Variants in ABLIM3 observed in about 807,000 individuals in gnomAD.
ABLIM3 encodes the protein actin binding LIM protein family member 3.
ABLIM3 carries 61 observed loss-of-function variants against 109.5 expected under a neutral mutation model. The observed-to-expected ratio is 0.56, with a 90% CI of 0.45 to 0.69. The LOEUF (loss-of-function observed/expected upper bound fraction) is 0.69. Ranked by LOEUF, ABLIM3 falls within the 30% of genes least tolerant of loss-of-function variation. ABLIM3 has a pLI of 0.00. For synonymous variants in ABLIM3, 300 were observed against 324.8 expected, an observed-to-expected ratio of 0.92 and a Z score of 0.82; for missense variants, 796 against 889.5, an observed-to-expected ratio of 0.89 and a Z score of 1.34.
chr5:149,251,777 T>A (rs960741541), intron 21 of ABLIM3, among the ~76,000 whole-genome samples: 1 of 152,320 alleles, frequency 6.6e-6, no homozygotes, highest in East Asian at 1.9e-4. Flanking sequence ...AAGAATTCCA[T>A]GAGCTTCCTG....
Position 149,259,818 on chromosome 5 carries a change from C to G in ABLIM3, c.*1414C>G. 3 of 571,200 alleles carry G rather than the reference C, an allele frequency of 5.3e-6. No individual in the cohort carries two copies. The South Asian group carries it at 6.4e-5, about 12-fold the overall frequency. The allele number at this position is 571,200 out of a possible 1,614,324, so 35.4% of individuals were successfully genotyped here. ...AAGTGAAAATGACAATAATGACTCT[C>G]AAGAGGCTGGCGATGTGACATGGCA... On this transcript the variant is annotated 3_prime_UTR_variant, in exon 24 of 24. Transcript: ENST00000309868.
intron 2 of ABLIM3, among the ~76,000 whole-genome samples, chr5:149,171,795 C>T (rs753613502): frequency 9.2e-5 from 14 of 152,206 alleles, no homozygotes; most frequent in Non-Finnish European, 1.8e-4. Context: ...TGGCCCCAAT[C>T]CATGCCTTCC....
intron 3 of ABLIM3, among the ~76,000 whole-genome samples, chr5:149,184,787 G>A (rs1285600427): frequency 6.6e-6 from 1 of 152,188 alleles, no homozygotes; most frequent in Non-Finnish European, 1.5e-5. Flanking sequence ...TCATGCACCT[G>A]AGAGTGACTT....
chr5:149,154,085 T>C (rs772151490), intron 2 of ABLIM3, among the ~76,000 whole-genome samples: 5 of 152,224 alleles, frequency 3.3e-5, no homozygotes, highest in African/African-American at 1.2e-4. Context: ...TTTGCAATAG[T>C]CTAATGACAC....
At chr5:149,144,577 C>T (rs1246297005) in intron 2 of ABLIM3, among the ~76,000 whole-genome samples, 3 of 152,132 alleles carry the variant, frequency 2.0e-5, no homozygotes, top group Non-Finnish European at 4.4e-5. Flanking sequence ...CCTTATTCTC[C>T]ACCAGCCACC....
intron 2 of ABLIM3, among the ~76,000 whole-genome samples, chr5:149,146,152 G>A (rs769520144): frequency 4.6e-4 from 70 of 151,978 alleles, no homozygotes; most frequent in Non-Finnish European, 8.8e-4. Flanking sequence ...TTTTGGGGGC[G>A]TGGGGTTTGT....
intron 6 of ABLIM3, among the ~76,000 whole-genome samples, chr5:149,210,300 G>C (rs1220995498): frequency 6.6e-6 from 1 of 152,186 alleles, no homozygotes; most frequent in Non-Finnish European, 1.5e-5. Context: ...CCTGGGACAA[G>C]TTACTAAAGT....
chr5:149,246,409 T>A (rs77462377), intron 16 of ABLIM3, 73 bp from the exon 17 acceptor site: 131,266 of 1,374,206 alleles, frequency 0.096, 5,864 homozygotes, highest in Admixed American at 0.29. Context: ...TTTTCTTTTT[T>A]AAAAAAAAAA....
At chr5:149,176,146 G>T (rs1755907600) in intron 2 of ABLIM3, among the ~76,000 whole-genome samples, 1 of 152,086 alleles carries the variant, frequency 6.6e-6, no homozygotes, top group African/African-American at 2.4e-5. Context: ...TGCAGCACTT[G>T]CATCTCTCTG....
chr5:149,249,794 T>G lies in ABLIM3; in HGVS notation c.1700-21T>G. ...TTGTCTTTCCTCATGAGCAATGACC[T>G]TCAGCTTTTCTCTCCTGCAGCCCCT... On this transcript the variant is annotated intron_variant, in intron 18 of 23. Coordinates refer to ENST00000309868, the MANE Select transcript of ABLIM3 (RefSeq NM_014945.5). 1.2e-6 allele frequency: 2 copies of G among 1,614,080 alleles called. 1 individual carries two copies. Among genetic ancestry groups the G allele is most frequent in the South Asian group, 2.2e-5 (2 of 91,082 alleles).
intron 3 of ABLIM3, among the ~76,000 whole-genome samples, chr5:149,190,914 T>G (rs377286252): frequency 6.6e-6 from 1 of 152,136 alleles, no homozygotes; most frequent in East Asian, 1.9e-4. Flanking sequence ...ACAAAAATGC[T>G]ATGTATCAAA....
At chr5:149,141,923 A>G (rs1580960892) in intron 1 of ABLIM3, 86 bp from the exon 2 acceptor site, 4 of 950,080 alleles carry the variant, frequency 4.2e-6, no homozygotes, top group East Asian at 4.8e-5. Context: ...GCCAGGGGCT[A>G]CAGCCCAGAC....
At chr5:149,151,017 A>G (rs1319780014) in intron 2 of ABLIM3, among the ~76,000 whole-genome samples, 1 of 152,248 alleles carries the variant, frequency 6.6e-6, no homozygotes, top group Non-Finnish European at 1.5e-5. Context: ...TAAATAGTAT[A>G]TATTAGTTTG....
intron 14 of ABLIM3, among the ~76,000 whole-genome samples, chr5:149,241,942 A>G (rs528864228): frequency 4.7e-4 from 72 of 152,320 alleles, no homozygotes; most frequent in African/African-American, 1.7e-3. Flanking sequence ...CAGCAGAGCC[A>G]GGGCTGAACC....
intron 7 of ABLIM3, among the ~76,000 whole-genome samples, chr5:149,211,146 A>T (rs1001469752): frequency 2.6e-5 from 4 of 151,404 alleles, no homozygotes; most frequent in East Asian, 1.9e-4. Context: ...AGTCTTTTTT[A>T]TTTATTTATT....
chr5:149,232,722 G>A (rs1761977085), intron 9 of ABLIM3, among the ~76,000 whole-genome samples: 2 of 152,138 alleles, frequency 1.3e-5, no homozygotes, highest in Non-Finnish European at 2.9e-5. Flanking sequence ...CTCTGCTAAG[G>A]AAGCTATTAA....
chr5:149,193,353 C>G (rs556730735), intron 3 of ABLIM3, among the ~76,000 whole-genome samples: 15 of 151,730 alleles, frequency 9.9e-5, no homozygotes, highest in African/African-American at 3.6e-4. Flanking sequence ...AATCAAGACG[C>G]CATTTACCTG....
At chr5:149,176,259 A>G (rs775069528) in intron 2 of ABLIM3, among the ~76,000 whole-genome samples, 2 of 151,978 alleles carry the variant, frequency 1.3e-5, no homozygotes, top group African/African-American at 4.8e-5. Context: ...CTTCTTCATC[A>G]CCTGCCAGGG....
intron 2 of ABLIM3, among the ~76,000 whole-genome samples, chr5:149,151,539 C>T (rs1753434651): frequency 6.6e-6 from 1 of 152,198 alleles, no homozygotes; most frequent in Admixed American, 6.5e-5. Flanking sequence ...TTACTAAATG[C>T]AAGTCACTAA....
Sources: gnomAD v4.1 joint callset for allele counts (sites outside exome capture counted in the v4.1 genomes callset) on GRCh38, gnomAD v4.1.1 for gene constraint, MANE v1.5 for transcripts, NCBI Gene and HGNC (gene_info 2026-07-23, HGNC 2026-07-21) for gene names.